RNF111: variants seen among roughly 807,000 people sequenced by gnomAD.
RNF111 encodes E3 ubiquitin-protein ligase Arkadia.
Under a neutral mutation model 95.1 loss-of-function variants are expected in RNF111, and 17 were observed. That is an observed-to-expected ratio of 0.18 (90% confidence interval 0.12 to 0.27). The LOEUF is 0.27. Among genes scored for constraint, RNF111 ranks in the 10% least tolerant of loss-of-function variants. The pLI is 1.00. For missense variants in RNF111, 1,189 were observed against 1,210.4 expected, an observed-to-expected ratio of 0.98 and a Z score of 0.26; for synonymous variants, 440 against 414.8, an observed-to-expected ratio of 1.06 and a Z score of -0.74.
chr15:59,046,689 C>T (rs188854227), intron 2 of RNF111, among the ~76,000 whole-genome samples: 1 of 152,006 alleles, frequency 6.6e-6, no homozygotes, highest in African/African-American at 2.4e-5. Flanking sequence ...AAATATGTCA[C>T]CAAAATCACA....
chr15:59,062,858 C>T (rs1354930781), intron 5 of RNF111, among the ~76,000 whole-genome samples: 1 of 152,148 alleles, frequency 6.6e-6, no homozygotes, highest in Non-Finnish European at 1.5e-5. Context: ...CCAGATAGTT[C>T]TTACAGTGGG....
intron 1 of RNF111, among the ~76,000 whole-genome samples, chr15:59,030,382 C>T (rs1198576785): frequency 2.6e-5 from 4 of 152,156 alleles, no homozygotes; most frequent in Non-Finnish European, 5.9e-5. Context: ...ATAATAACCA[C>T]TTAAAAATGT....
chr15:59,024,795 A>C (rs1274569058), intron 1 of RNF111, among the ~76,000 whole-genome samples: 2 of 152,140 alleles, frequency 1.3e-5, no homozygotes, highest in African/African-American at 4.8e-5. Flanking sequence ...ATCTTCCCCG[A>C]CTGAAACTCA....
At chr15:58,988,586 C>G (rs980624228) in intron 1 of RNF111, among the ~76,000 whole-genome samples, 2 of 152,220 alleles carry the variant, frequency 1.3e-5, no homozygotes, top group African/African-American at 4.8e-5. Context: ...TACTATTGTC[C>G]TTCGATAATT....
At chr15:59,081,362 C>T (rs2078737954) in intron 8 of RNF111, 78 bp downstream of exon 8, 2 of 1,238,580 alleles carry the variant, frequency 1.6e-6, no homozygotes. Flanking sequence ...CTCTGAAATC[C>T]AACTAGGCAT....
At chr15:59,047,196 A>C (rs186664250) in intron 2 of RNF111, among the ~76,000 whole-genome samples, 19 of 152,320 alleles carry the variant, frequency 1.2e-4, no homozygotes, top group African/African-American at 3.4e-4. Context: ...CATTTCACCA[A>C]AGTGGCTAAT....
rs2043158705 is a variant in RNF111 at position 59,076,194 on chromosome 15, C to G, written c.1927C>G (p.Arg643Gly). 1.9e-6 allele frequency: 3 copies of G among 1,613,376 alleles called. No individual in the cohort carries two copies. The highest frequency in any genetic ancestry group is 2.5e-6 in the Non-Finnish European group (3 of 1,179,998). ...PPPQPSLSSC[R>G]HYMPPPYASL... ...TCCACAGCCCTCTCTCTCATCATGT[C>G]GACATTACATGCCACCCCCTTGTAA... The change falls in exon 7 of 14, where the codon CGA becomes GGA. Residue 643 changes from arginine (R) to glycine (G), a missense_variant. Arg to Gly is a moderately radical substitution (Grantham distance 125). Coordinates refer to ENST00000348370, the MANE Select transcript of RNF111 (RefSeq NM_017610.8).
chr15:59,007,079 T>G (rs11635958), intron 1 of RNF111, among the ~76,000 whole-genome samples: 1 of 152,240 alleles, frequency 6.6e-6, no homozygotes, highest in Non-Finnish European at 1.5e-5. Flanking sequence ...TTACAGTTTT[T>G]AAAGTAAACT....
intron 1 of RNF111, among the ~76,000 whole-genome samples, chr15:58,995,152 A>G (rs1327868468): frequency 2.0e-5 from 3 of 152,168 alleles, no homozygotes; most frequent in African/African-American, 7.2e-5. Flanking sequence ...CCTGTTCCTC[A>G]TCACTCCCCA....
At chr15:59,026,279 GT>G in intron 1 of RNF111, among the ~76,000 whole-genome samples, 1 of 152,092 alleles carries the variant, frequency 6.6e-6, no homozygotes, top group East Asian at 1.9e-4. Flanking sequence ...CTAATTTTTA[GT>G]TTTGAAAGTT....
In RNF111 at chr15:59,066,966, C is replaced by T. The variant is rs2042684297; in HGVS notation, c.1569C>T (p.His523=). The change falls in exon 6 of 14, where the codon CAC becomes CAT. Residue 523 remains histidine (H), a synonymous_variant. Transcript: ENST00000348370. ...ATCACCACCACCACCATACTCCCCA[C>T]CCAGCTGTCCCAGTTTCTCCTTCCT... The part of the protein sequence containing the change: ...QHHHHHHHTP[H]PAVPVSPSFS... The T allele has an allele frequency of 1.2e-6, 2 of 1,614,142 alleles. No individual in the cohort carries two copies. The highest frequency in any genetic ancestry group is 8.5e-7 in the Non-Finnish European group (1 of 1,180,028).
intron 1 of RNF111, among the ~76,000 whole-genome samples, chr15:58,993,496 C>G (rs1247719664): frequency 6.6e-6 from 1 of 152,184 alleles, no homozygotes; most frequent in Non-Finnish European, 1.5e-5. Context: ...TGAGATTGCA[C>G]CACTGCACTC....
At chr15:59,028,461 A>G (rs1287330263) in intron 1 of RNF111, among the ~76,000 whole-genome samples, 1 of 152,198 alleles carries the variant, frequency 6.6e-6, no homozygotes, top group African/African-American at 2.4e-5. Context: ...CAACAACAAT[A>G]AAGTAGCAAA....
At chr15:59,094,073 T>C (rs2079130833) in intron 13 of RNF111, among the ~76,000 whole-genome samples, 1 of 152,194 alleles carries the variant, frequency 6.6e-6, no homozygotes, top group South Asian at 2.1e-4. Flanking sequence ...CCTATCTTGC[T>C]TGGGGGCTTT....
At chr15:59,094,631 C>T in intron 13 of RNF111, 152 bp from the exon 14 acceptor site, 1 of 534,520 alleles carries the variant, frequency 1.9e-6, no homozygotes, top group Admixed American at 3.2e-5. Flanking sequence ...ATTATATTGC[C>T]CAGAGTGCTA....
At chr15:59,041,365 C>A (rs1320882965) in intron 2 of RNF111, among the ~76,000 whole-genome samples, 1 of 152,100 alleles carries the variant, frequency 6.6e-6, no homozygotes, top group Non-Finnish European at 1.5e-5. Context: ...ACCAGCCCGA[C>A]CAACATGGTG....
intron 1 of RNF111, among the ~76,000 whole-genome samples, chr15:58,992,465 G>A (rs1200022186): frequency 1.3e-5 from 2 of 152,164 alleles, no homozygotes; most frequent in African/African-American, 4.8e-5. Context: ...ATGGGTACAT[G>A]GGTATTAATA....
Position 59,091,072 on chromosome 15 carries a change from T to G in RNF111, c.2657T>G (p.Leu886Trp). ...CTTCACTTTCAGGAACTGATTCATT[T>G]GGAAGAAAGATTAGGCAATGTCAAT... ...FRGNFEELIH[L>W]EERLGNVNRG... is the part of the protein sequence containing the mutation. The change falls in exon 12 of 14, where the codon TTG (leucine) becomes TGG (tryptophan). Residue 886 changes from leucine (L) to tryptophan (W), a missense_variant. Transcript: ENST00000348370. 2.5e-6 allele frequency: 4 copies of G among 1,606,816 alleles called. No individual in the cohort carries two copies. The highest frequency in any genetic ancestry group is 3.4e-6 in the Non-Finnish European group (4 of 1,174,258).
chr15:59,091,009 A>G (rs764786380), intron 11 of RNF111, 50 bp from the exon 12 acceptor site: 18 of 1,109,908 alleles, frequency 1.6e-5, no homozygotes, highest in Non-Finnish European at 2.1e-5. Context: ...AGTTCTGTTC[A>G]AGGAATAATC....
Sources: allele counts gnomAD v4.1 joint callset (sites outside exome capture counted in the v4.1 genomes callset), GRCh38; gene constraint gnomAD v4.1.1; transcripts MANE v1.5; gene names NCBI Gene and HGNC (gene_info 2026-07-23, HGNC 2026-07-21).